The following KDM2B variants were observed in gnomAD, a reference collection of about 807,000 sequenced individuals.
KDM2B encodes the protein lysine-specific demethylase 2B.
Under a neutral mutation model 150.0 loss-of-function variants are expected in KDM2B, and 26 were observed. That is an observed-to-expected ratio of 0.17 (90% CI 0.13 to 0.24). The LOEUF is 0.24. KDM2B is among the 10% of genes least tolerant of loss of function. The pLI is 1.00. For synonymous variants in KDM2B, 734 were observed against 729.5 expected (o/e 1.01, Z -0.10); for missense variants, 1,265 against 1,816.9 (o/e 0.70, Z 5.52).
At chr12:121,563,656 C>A (rs185714070) in intron 4 of KDM2B, among the ~76,000 whole-genome samples, 1 of 151,690 alleles carries the variant, frequency 6.6e-6, no homozygotes, top group Non-Finnish European at 1.5e-5. Context: ...CAGTGGCTCA[C>A]GCCTGTAATC....
At chr12:121,516,175 G>C (rs782345237) in intron 9 of KDM2B, among the ~76,000 whole-genome samples, 10 of 152,086 alleles carry the variant, frequency 6.6e-5, no homozygotes, top group Admixed American at 1.3e-4. Context: ...CATGAGACTT[G>C]ATTGGTAAAA....
the KDM2B span, among the ~76,000 whole-genome samples, chr12:121,421,671 A>G: frequency 6.6e-6 from 1 of 152,152 alleles, no homozygotes; most frequent in African/African-American, 2.4e-5. Context: ...AGTTGTATTT[A>G]TTTTTTTCTT....
chr12:121,439,998 G>T lies in KDM2B; in HGVS notation c.3688C>A (p.Leu1230Met), dbSNP rs1555287810. The change falls in exon 22 of 23, where the codon CTG (leucine) becomes ATG (methionine). Residue 1230 changes from leucine to methionine, a missense_variant. This residue lies in a region of KDM2B where 251 missense variants were observed against 397.8 expected (regional missense o/e 0.63). Coordinates refer to ENST00000377071, the MANE Select transcript of KDM2B (RefSeq NM_032590.5). ...GGCATGTGGCGGATGATGAGCCGCA[G>T]GGAGGCATCTGTGATGTCCAGGCCT... Reference protein sequence around the residue: ...LAGLDITDASLRLIIRHMPLL... With the variant: ...LAGLDITDASMRLIIRHMPLL... 5 of 1,614,154 alleles carry T rather than the reference G, an allele frequency of 3.1e-6. No homozygotes were observed. In the Admixed American group the frequency reaches 6.7e-5, roughly 22 times the overall value.
intron 8 of KDM2B, among the ~76,000 whole-genome samples, chr12:121,528,328 G>C (rs1236097133): frequency 3.3e-5 from 5 of 152,186 alleles, no homozygotes; most frequent in Non-Finnish European, 7.4e-5. Context: ...GGAGGCTGAG[G>C]CAGCAGGATC....
chr12:121,504,360 C>G (rs547684936), intron 11 of KDM2B, among the ~76,000 whole-genome samples: 3 of 152,278 alleles, frequency 2.0e-5, no homozygotes, highest in South Asian at 2.1e-4. Context: ...CATAGCAAGA[C>G]GTAGTCTCTA....
At chr12:121,428,374 G>A (rs1361272370), downstream of KDM2B, among the ~76,000 whole-genome samples, 1 of 152,110 alleles carries the variant, frequency 6.6e-6, no homozygotes, top group Non-Finnish European at 1.5e-5. Context: ...TGTATTTTTA[G>A]TAGAGATGGG....
At chr12:121,438,620 TGAG>T (rs781858980) in intron 22 of KDM2B, among the ~76,000 whole-genome samples, 40 of 152,146 alleles carry the variant, frequency 2.6e-4, no homozygotes, top group East Asian at 1.7e-3. Context: ...CAAAACTTCA[TGAG>T]GAGAAGGAAT....
the KDM2B span, chr12:121,418,075 A>T: frequency 2.7e-6 from 2 of 747,680 alleles, no homozygotes; most frequent in Non-Finnish European, 4.3e-6. Context: ...GTCCTGATGT[A>T]TAGTGTCTGC....
chr12:121,569,279 G>A (rs921616684), intron 4 of KDM2B, among the ~76,000 whole-genome samples: 16 of 152,226 alleles, frequency 1.1e-4, no homozygotes, highest in African/African-American at 3.1e-4. Context: ...TGCTAAGACT[G>A]TCAGAGCCAA....
In KDM2B at chr12:121,443,759, G is replaced by A. The variant is rs1555289241; in HGVS notation, c.2486C>T (p.Ser829Phe). Reference protein sequence around the residue: ...SSLQTSPGSSSHLSPRPPLGS... With the variant: ...SSLQTSPGSSFHLSPRPPLGS... ...TAGAGGGGGCCTCGGCGAGAGGTGA[G>A]AGGAGGAACCGGGGGACGTTTGAAG... The change falls in exon 17 of 23, where the codon TCT becomes TTT. Residue 829 changes from serine to phenylalanine, a missense_variant. Ser to Phe is a radical substitution (Grantham distance 155). This residue lies in a region of KDM2B where 418 missense variants were observed against 402.4 expected (regional missense o/e 1.04). Transcript: ENST00000377071. 1 of 1,610,006 alleles carries A rather than the reference G, an allele frequency of 6.2e-7. No homozygotes were observed. The highest frequency in any genetic ancestry group is 8.5e-7 in the Non-Finnish European group (1 of 1,178,900).
chr12:121,504,899 G>A lies in KDM2B; in HGVS notation c.1647+4668C>T, dbSNP rs529062476. Among the ~76,000 whole-genome samples the A allele has an allele frequency of 3.7e-4, 57 of 152,122 alleles. No homozygotes were observed. The South Asian group carries it at 0.011, about 29-fold the overall frequency. On this transcript the variant is annotated intron_variant, in intron 11 of 22. Coordinates refer to ENST00000377071, the MANE Select transcript of KDM2B (RefSeq NM_032590.5). ...TGGGAGGCCAAGGCGGGTGGATCAC[G>A]AGGTCAGGAGATCGAGACCATCCTA... is the stretch of plus-strand genomic sequence containing the variant.
At chr12:121,509,266 G>A (rs1885370899) in intron 11 of KDM2B, among the ~76,000 whole-genome samples, 1 of 151,214 alleles carries the variant, frequency 6.6e-6, no homozygotes, top group Admixed American at 6.6e-5. Context: ...GTTTCACCAT[G>A]TTAGCCAGGC....
intron 12 of KDM2B, among the ~76,000 whole-genome samples, chr12:121,487,899 A>G (rs1369697010): frequency 6.6e-6 from 1 of 150,598 alleles, no homozygotes. Flanking sequence ...GTACTGCGTC[A>G]GCCTCCTGAG....
At chr12:121,460,391 T>C (rs1878933845) in intron 12 of KDM2B, among the ~76,000 whole-genome samples, 1 of 152,224 alleles carries the variant, frequency 6.6e-6, no homozygotes, top group African/African-American at 2.4e-5. Context: ...ATCGTGCCCC[T>C]GCACTCCAGT....
intron 11 of KDM2B, among the ~76,000 whole-genome samples, chr12:121,497,993 A>C (rs1387832327): frequency 6.6e-6 from 1 of 152,016 alleles, no homozygotes; most frequent in Non-Finnish European, 1.5e-5. Flanking sequence ...CGACCTGGGA[A>C]GCTGAGGTAG....
chr12:121,494,987 C>T (rs1251850087), intron 11 of KDM2B, among the ~76,000 whole-genome samples: 1 of 151,186 alleles, frequency 6.6e-6, no homozygotes, highest in South Asian at 2.1e-4. Context: ...GGGACTCACA[C>T]ACAAACTTTT....
chr12:121,423,558 G>C, the KDM2B span: 1 of 1,613,590 alleles, frequency 6.2e-7, no homozygotes, highest in Non-Finnish European at 8.5e-7. This position sits in a 1 kb window ranked among gnomAD's most constrained non-coding sequence, Gnocchi z 4.3. Flanking sequence ...TGCGAGCCGT[G>C]CACGTGTTCA....
intron 10 of KDM2B, among the ~76,000 whole-genome samples, chr12:121,511,255 C>A (rs145015238): frequency 1.3e-5 from 2 of 150,380 alleles, no homozygotes; most frequent in African/African-American, 4.9e-5. Context: ...GGGATCCACC[C>A]GCCTCGGCCT....
At chr12:121,580,525 T>C in intron 1 of KDM2B, 1 of 1,216,780 alleles carries the variant, frequency 8.2e-7, no homozygotes, top group Non-Finnish European at 1.0e-6. Context: ...AGCTGACTTT[T>C]GGAGGGCCGA....
Sources: allele counts gnomAD v4.1 joint callset (sites outside exome capture counted in the v4.1 genomes callset), GRCh38; gene constraint gnomAD v4.1.1; regional missense constraint gnomAD v4.1.1; non-coding constraint Gnocchi (gnomAD v3.1); transcripts MANE v1.5; gene names NCBI Gene and HGNC (gene_info 2026-07-23, HGNC 2026-07-21).